LUZP2: variants seen among roughly 807,000 people sequenced by gnomAD.
The protein encoded by LUZP2 is leucine zipper protein 2.
A neutral mutation model predicts 51.6 loss-of-function variants in LUZP2; 52 were observed. That is an observed-to-expected ratio of 1.01 (90% CI 0.81 to 1.27). LUZP2 has a LOEUF of 1.27. LUZP2 is among the 50% of genes most tolerant of loss of function. The probability of loss-of-function intolerance (pLI) is 0.00; values close to 1 mark genes in which losing one functional copy is unlikely to be tolerated. For missense variants in LUZP2, 436 were observed against 395.4 expected, an observed-to-expected ratio of 1.10 and a Z score of -0.87; for synonymous variants, 154 against 137.3, an observed-to-expected ratio of 1.12 and a Z score of -0.85.
At chr11:24,724,767 G>C (rs567610997) in intron 1 of LUZP2, among the ~76,000 whole-genome samples, 1 of 152,240 alleles carries the variant, frequency 6.6e-6, no homozygotes, top group Admixed American at 6.5e-5. Context: ...ACTTTAAAAA[G>C]TCAACAGAAT....
At chr11:24,921,694 T>C (rs1854062835) in intron 7 of LUZP2, among the ~76,000 whole-genome samples, 1 of 152,220 alleles carries the variant, frequency 6.6e-6, no homozygotes, top group South Asian at 2.1e-4. Context: ...TAGTATTATA[T>C]GCAATCTAGG....
At chr11:24,763,061 T>C in intron 4 of LUZP2, 185 bp from the exon 5 acceptor site, 2 of 514,276 alleles carry the variant, frequency 3.9e-6, no homozygotes, top group Non-Finnish European at 5.0e-6. Context: ...GATATTTTAA[T>C]ATAATCAATG....
intron 5 of LUZP2, among the ~76,000 whole-genome samples, chr11:24,877,676 TAA>T (rs1414768474): frequency 1.3e-5 from 2 of 152,132 alleles, no homozygotes; most frequent in Non-Finnish European, 2.9e-5. Flanking sequence ...TATCAAATAC[TAA>T]GTCTTATTCA....
chr11:24,892,174 C>T (rs1852875756), intron 5 of LUZP2: 1 of 985,622 alleles, frequency 1.0e-6, no homozygotes. Flanking sequence ...GTATCTTTCT[C>T]CTTTTTTACC....
At chr11:24,694,290 G>T (rs1857171265) in intron 1 of LUZP2, among the ~76,000 whole-genome samples, 1 of 151,918 alleles carries the variant, frequency 6.6e-6, no homozygotes, top group Admixed American at 6.6e-5. Flanking sequence ...TCTTAGTTTA[G>T]AATGTTATTT....
chr11:24,586,196 G>C (rs935886467), intron 1 of LUZP2, among the ~76,000 whole-genome samples: 2 of 151,990 alleles, frequency 1.3e-5, no homozygotes, highest in Non-Finnish European at 2.9e-5. Context: ...AAGCATGTAT[G>C]TTCAATCATA....
At chr11:25,027,256 A>C (rs1163737709) in intron 9 of LUZP2, among the ~76,000 whole-genome samples, 1 of 152,118 alleles carries the variant, frequency 6.6e-6, no homozygotes, top group Non-Finnish European at 1.5e-5. Context: ...GATAATTCAT[A>C]ATACAGCTTA....
At chr11:24,764,426 T>A (rs1240841653) in intron 5 of LUZP2, among the ~76,000 whole-genome samples, 2 of 139,736 alleles carry the variant, frequency 1.4e-5, no homozygotes, top group African/African-American at 2.7e-5. Context: ...GAGGCTGAGG[T>A]GGGAGGATCG....
chr11:24,924,995 C>T (rs1377522984), intron 7 of LUZP2, among the ~76,000 whole-genome samples: 1 of 151,984 alleles, frequency 6.6e-6, no homozygotes, highest in Non-Finnish European at 1.5e-5. Context: ...AGTTAATTCT[C>T]TCCTGGCTCA....
At chr11:24,921,538 T>C (rs1035733317) in intron 7 of LUZP2, among the ~76,000 whole-genome samples, 1 of 152,168 alleles carries the variant, frequency 6.6e-6, no homozygotes, top group African/African-American at 2.4e-5. Flanking sequence ...CATGTGCGTA[T>C]TACAGCTTGC....
chr11:24,905,880 T>C (rs1324717905), intron 5 of LUZP2, 111 bp from the exon 6 acceptor site: 1 of 650,328 alleles, frequency 1.5e-6, no homozygotes, highest in African/African-American at 1.8e-5. Flanking sequence ...ACATTTTACA[T>C]CATGAAGGTC....
chr11:24,513,835 A>G (rs528874796), intron 1 of LUZP2, among the ~76,000 whole-genome samples: 1 of 152,352 alleles, frequency 6.6e-6, no homozygotes, highest in South Asian at 2.1e-4. Context: ...CAGAGTCTGA[A>G]TGTAGACAGT....
intron 5 of LUZP2, among the ~76,000 whole-genome samples, chr11:24,853,840 T>C (rs1237459747): frequency 1.3e-5 from 2 of 152,164 alleles, no homozygotes; most frequent in Non-Finnish European, 2.9e-5. Flanking sequence ...TTGATGCTAT[T>C]CCTTTCTGTT....
At chr11:24,780,032 C>T (rs1849043654) in intron 5 of LUZP2, among the ~76,000 whole-genome samples, 1 of 151,946 alleles carries the variant, frequency 6.6e-6, no homozygotes, top group Non-Finnish European at 1.5e-5. Context: ...TGATTCTGGG[C>T]TGGTTACTTC....
chr11:24,840,669 A>C (rs1480161280), intron 5 of LUZP2, among the ~76,000 whole-genome samples: 1 of 151,956 alleles, frequency 6.6e-6, no homozygotes, highest in Non-Finnish European at 1.5e-5. Context: ...TAAGATCCAC[A>C]AGTGATTCAA....
At chr11:25,047,852 A>G (rs529688193) in intron 9 of LUZP2, among the ~76,000 whole-genome samples, 3 of 152,104 alleles carry the variant, frequency 2.0e-5, no homozygotes, top group South Asian at 4.1e-4. Flanking sequence ...TTTAAGTTAG[A>G]CCCTATGCCG....
At chr11:24,597,979 T>C (rs1853499447) in intron 1 of LUZP2, among the ~76,000 whole-genome samples, 1 of 151,934 alleles carries the variant, frequency 6.6e-6, no homozygotes, top group Non-Finnish European at 1.5e-5. Flanking sequence ...CAGGCATCTG[T>C]AATCCCAGCT....
chr11:24,842,140 G>A (rs539250110), intron 5 of LUZP2, among the ~76,000 whole-genome samples: 1 of 150,394 alleles, frequency 6.6e-6, no homozygotes, highest in Non-Finnish European at 1.5e-5. Context: ...ATTAATATTA[G>A]ACAATATAAT....
At chr11:24,949,608 A>G (rs1201031121) in intron 7 of LUZP2, among the ~76,000 whole-genome samples, 3 of 151,514 alleles carry the variant, frequency 2.0e-5, no homozygotes, top group Admixed American at 6.6e-5. Context: ...ATTATCTTCA[A>G]TACAAACTGT....
Sources: allele counts gnomAD v4.1 joint callset (sites outside exome capture counted in the v4.1 genomes callset), GRCh38; gene constraint gnomAD v4.1.1; transcripts MANE v1.5; gene names NCBI Gene and HGNC (gene_info 2026-07-23, HGNC 2026-07-21).